The following EPM2A variants were observed in gnomAD, a reference collection of about 807,000 sequenced individuals.
EPM2A encodes laforin.
EPM2A carries 21 observed loss-of-function variants against 26.5 expected under a neutral mutation model. That is an observed-to-expected ratio of 0.79 (90% CI 0.56 to 1.14). The LOEUF (loss-of-function observed/expected upper bound fraction) is 1.14, where lower values mean the gene tolerates loss of function less well. EPM2A is among the 50% of genes most tolerant of loss of function. The pLI is 0.00. For synonymous variants in EPM2A, 217 were observed against 177.6 expected, an observed-to-expected ratio of 1.22 and a Z score of -1.76; for missense variants, 458 against 440.8, an observed-to-expected ratio of 1.04 and a Z score of -0.35.
intron 2 of EPM2A, among the ~76,000 whole-genome samples, chr6:145,642,917 G>T (rs1486553109): frequency 6.6e-6 from 1 of 152,184 alleles, no homozygotes; most frequent in Non-Finnish European, 1.5e-5. Flanking sequence ...AGGTTTTTAG[G>T]TAGAAGAGTG....
At chr6:145,570,599 C>A (rs964647065) in intron 2 of EPM2A, among the ~76,000 whole-genome samples, 3 of 152,230 alleles carry the variant, frequency 2.0e-5, no homozygotes, top group African/African-American at 7.2e-5. Context: ...GTGGTTGTAG[C>A]TGGTATTGAT....
chr6:145,546,389 A>C (rs924954587), intron 2 of EPM2A, among the ~76,000 whole-genome samples: 4 of 152,128 alleles, frequency 2.6e-5, no homozygotes, highest in African/African-American at 7.2e-5. Flanking sequence ...CTGGGTGCTC[A>C]GTTTATTGGA....
chr6:145,732,873 C>T (rs1467350997), intron 1 of EPM2A, among the ~76,000 whole-genome samples: 1 of 152,100 alleles, frequency 6.6e-6, no homozygotes, highest in East Asian at 1.9e-4. Flanking sequence ...AATATATATC[C>T]TATTCTACAA....
intron 2 of EPM2A, among the ~76,000 whole-genome samples, chr6:145,526,122 C>A (rs892721649): frequency 2.6e-5 from 4 of 152,036 alleles, no homozygotes; most frequent in African/African-American, 9.7e-5. Flanking sequence ...CTGAACCATC[C>A]TTGCATCCCA....
At chr6:145,451,751 T>C (rs1779197759) in intron 4 of EPM2A, among the ~76,000 whole-genome samples, 1 of 152,370 alleles carries the variant, frequency 6.6e-6, no homozygotes, top group East Asian at 1.9e-4. Flanking sequence ...GTATTGGGTT[T>C]ATTTTTTAAT....
chr6:145,581,356 T>C (rs1365027821), intron 2 of EPM2A, among the ~76,000 whole-genome samples: 2 of 152,288 alleles, frequency 1.3e-5, no homozygotes, highest in East Asian at 3.9e-4. Context: ...GTCTTTTGCT[T>C]ATTACTTTTT....
chr6:145,425,235 G>A (rs188197058), intron 4 of EPM2A, among the ~76,000 whole-genome samples: 10 of 151,374 alleles, frequency 6.6e-5, no homozygotes, highest in South Asian at 2.1e-4. Context: ...GTGCAGTGGC[G>A]TGATCTCGGC....
chr6:145,430,675 G>A (rs567724626), intron 4 of EPM2A, among the ~76,000 whole-genome samples: 1 of 152,100 alleles, frequency 6.6e-6, no homozygotes, highest in South Asian at 2.1e-4. Context: ...AAGAGTAGTG[G>A]AATAAAATTT....
chr6:145,469,064 T>A (rs533097363), intron 4 of EPM2A, among the ~76,000 whole-genome samples: 1 of 152,276 alleles, frequency 6.6e-6, no homozygotes, highest in South Asian at 2.1e-4. Flanking sequence ...AGAAAGAGGT[T>A]TAATTGACTG....
chr6:145,607,940 A>G (rs1393718276), intron 2 of EPM2A, among the ~76,000 whole-genome samples: 3 of 152,198 alleles, frequency 2.0e-5, no homozygotes, highest in Non-Finnish European at 4.4e-5. Context: ...AACGCTTACC[A>G]TGTTACTGCC....
chr6:145,615,191 G>C (rs1775479949), intron 2 of EPM2A, among the ~76,000 whole-genome samples: 1 of 152,212 alleles, frequency 6.6e-6, no homozygotes, highest in Admixed American at 6.5e-5. Flanking sequence ...GAGGAACCCA[G>C]TGGGAGGTAA....
At chr6:145,613,748 A>C (rs1415105534) in intron 2 of EPM2A, among the ~76,000 whole-genome samples, 1 of 152,326 alleles carries the variant, frequency 6.6e-6, no homozygotes, top group South Asian at 2.1e-4. Context: ...AGGTCTCAAC[A>C]CTGGTGTTAA....
At chr6:145,491,335 G>A (rs1332921783) in intron 4 of EPM2A, among the ~76,000 whole-genome samples, 7 of 152,236 alleles carry the variant, frequency 4.6e-5, no homozygotes, top group South Asian at 2.1e-4. Context: ...GCAGGTGAGC[G>A]GGCGCAGGAG....
intron 2 of EPM2A, among the ~76,000 whole-genome samples, chr6:145,618,009 A>G (rs1161346904): frequency 1.3e-5 from 2 of 152,236 alleles, no homozygotes; most frequent in African/African-American, 4.8e-5. Context: ...GAATCCAAAG[A>G]GTACCTGGCT....
chr6:145,489,546 T>C, intron 4 of EPM2A: 1 of 683,818 alleles, frequency 1.5e-6, no homozygotes, highest in Non-Finnish European at 2.4e-6. Context: ...GGTCCACTTG[T>C]CTGTTAGCTT....
At chr6:145,488,476 T>C (rs955828744) in intron 4 of EPM2A, among the ~76,000 whole-genome samples, 1 of 150,426 alleles carries the variant, frequency 6.6e-6, no homozygotes, top group Non-Finnish European at 1.5e-5. Context: ...TTTGTTTGTG[T>C]CATCTCTAAT....
At chr6:145,618,919 G>A (rs1463577718) in intron 2 of EPM2A, among the ~76,000 whole-genome samples, 2 of 152,156 alleles carry the variant, frequency 1.3e-5, no homozygotes, top group African/African-American at 4.8e-5. Context: ...TCTTGAAAGG[G>A]GTAAGGATTA....
chr6:145,666,761 C>G (rs1233452467), intron 2 of EPM2A, among the ~76,000 whole-genome samples: 1 of 150,084 alleles, frequency 6.7e-6, no homozygotes, highest in Non-Finnish European at 1.5e-5. Flanking sequence ...TGACTTCAAA[C>G]TATACTACAA....
chr6:145,589,591 TTTCATTTAAAAA>T (rs1040430150), intron 2 of EPM2A, among the ~76,000 whole-genome samples: 1 of 152,156 alleles, frequency 6.6e-6, no homozygotes, highest in African/African-American at 2.4e-5. Flanking sequence ...TTGAATTAGA[TTTCATTTAAAAA>T]CTAGTGAAGG....
Sources: allele counts gnomAD v4.1 joint callset (sites outside exome capture counted in the v4.1 genomes callset), GRCh38; gene constraint gnomAD v4.1.1; transcripts MANE v1.5; gene names NCBI Gene and HGNC (gene_info 2026-07-23, HGNC 2026-07-21).